The following CTPS2 variants were observed in gnomAD, a reference collection of about 807,000 sequenced individuals.
CTPS2 encodes the protein CTP synthase 2.
Under a neutral mutation model 46.8 loss-of-function variants are expected in CTPS2, and 19 were observed. The observed-to-expected ratio is 0.41, with a 90% CI of 0.28 to 0.60. CTPS2 has a LOEUF of 0.60. CTPS2 is among the 20% of genes least tolerant of loss of function. The pLI, the probability that CTPS2 is intolerant of heterozygous loss-of-function variation, is 0.35. For missense variants in CTPS2, 286 were observed against 447.6 expected (o/e 0.64, Z 3.26); for synonymous variants, 151 against 165.2 (o/e 0.91, Z 0.66).
intron 17 of CTPS2, among the ~76,000 whole-genome samples, chrX:16,593,924 A>C (rs1929086366): frequency 9.0e-6 from 1 of 111,236 alleles, no homozygotes; most frequent in Admixed American, 9.5e-5. Context: ...GATACATCCT[A>C]TTCATGCACT....
intron 15 of CTPS2, among the ~76,000 whole-genome samples, chrX:16,620,053 C>A (rs1254006039): frequency 9.0e-6 from 1 of 111,136 alleles, no homozygotes; most frequent in Non-Finnish European, 1.9e-5. Flanking sequence ...AAAGATTTTG[C>A]CTTTGGAAAG....
intron 13 of CTPS2, among the ~76,000 whole-genome samples, chrX:16,659,605 G>A (rs1425911493): frequency 9.8e-6 from 1 of 101,670 alleles, no homozygotes; most frequent in Admixed American, 1.1e-4. Context: ...GAGTAAGAAG[G>A]TGTAGGAGTC....
intron 13 of CTPS2, among the ~76,000 whole-genome samples, chrX:16,664,038 A>C (rs7066628): frequency 9.0e-6 from 1 of 111,237 alleles, no homozygotes; most frequent in East Asian, 2.8e-4. Flanking sequence ...AAGTTTCACC[A>C]TGTTAGCCAG....
chrX:16,621,127 C>T (rs1414522220), intron 14 of CTPS2, among the ~76,000 whole-genome samples: 2 of 110,277 alleles, frequency 1.8e-5, no homozygotes, highest in Admixed American at 2.0e-4. Context: ...AACATGCCTA[C>T]GTAGCTGAGG....
intron 14 of CTPS2, among the ~76,000 whole-genome samples, chrX:16,621,446 T>TATA (rs10666371): frequency 0.084 from 8,603 of 102,801 alleles, 363 homozygotes; most frequent in Admixed American, 0.15. Flanking sequence ...GAACTTAAAG[T>TATA]ATAATAATAA....
intron 15 of CTPS2, among the ~76,000 whole-genome samples, chrX:16,618,365 T>C (rs773077915): frequency 8.9e-6 from 1 of 112,626 alleles, no homozygotes; most frequent in South Asian, 3.7e-4. Flanking sequence ...TTTGAGTTGT[T>C]TCTGCCTTTT....
At chrX:16,702,057 T>A (rs987200025) in intron 2 of CTPS2, among the ~76,000 whole-genome samples, 7 of 110,352 alleles carry the variant, frequency 6.3e-5, no homozygotes, top group Non-Finnish European at 1.1e-4. Context: ...TGTTTGTTTG[T>A]TTGTTTGTTT....
At chrX:16,691,670 T>C (rs1486665038) in intron 6 of CTPS2, 50 bp from the exon 7 acceptor site, 7 of 1,021,972 alleles carry the variant, frequency 6.8e-6, no homozygotes, top group Non-Finnish European at 9.7e-6. Context: ...TTCAGCAGGA[T>C]GCCACATTCA....
intron 1 of CTPS2, chrX:16,712,111 G>T (rs1045941854): frequency 9.0e-6 from 1 of 111,630 alleles, no homozygotes; most frequent in African/African-American, 3.2e-5. Flanking sequence ...GCGTTCCCCA[G>T]TCCCCGCGCC....
At chrX:16,597,910 G>A (rs1389007540) in intron 17 of CTPS2, among the ~76,000 whole-genome samples, 4 of 107,557 alleles carry the variant, frequency 3.7e-5, no homozygotes, top group Admixed American at 1.0e-4. Context: ...GGTCCTTCAC[G>A]TCCCTTGTAA....
chrX:16,641,501 C>T (rs948351185), intron 13 of CTPS2, among the ~76,000 whole-genome samples: 1 of 112,546 alleles, frequency 8.9e-6, no homozygotes, highest in Admixed American at 9.4e-5. Flanking sequence ...CAATCCCAAC[C>T]CTTTGGGAGA....
In CTPS2 at chrX:16,662,223, C is replaced by CA. The variant is rs1279815636; in HGVS notation, c.1296+5290dup. ...CAGCTGAGACTACTTTGAAGCAGGG[C>CA]AAAAAACCAGAGTTGCTATAGAACC... On this transcript the variant is annotated intron_variant, in intron 13 of 18. Transcript: ENST00000359276. Among the ~76,000 whole-genome samples, 3 of 110,157 alleles carry CA rather than the reference C, an allele frequency of 2.7e-5. No individual in the cohort carries two copies. The East Asian group carries it at 8.6e-4, about 32-fold the overall frequency.
At chrX:16,701,393 TAAA>T (rs200081120) in intron 2 of CTPS2, among the ~76,000 whole-genome samples, 2,350 of 108,960 alleles carry the variant, frequency 0.022, 72 homozygotes, top group African/African-American at 0.074. Context: ...CCCAGCTCTA[TAAA>T]AAAATTACAT....
rs754590971 is a variant in CTPS2, at chrX:16,686,521, G to A, written c.872+2929C>T. Among the ~76,000 whole-genome samples the A allele has an allele frequency of 2.7e-5, 3 of 112,008 alleles. No individual in the cohort carries two copies. In the South Asian group the frequency reaches 1.1e-3, roughly 42 times the overall value. On this transcript the variant is annotated intron_variant, in intron 8 of 18. Coordinates refer to ENST00000359276, the MANE Select transcript of CTPS2 (RefSeq NM_175859.3). Reference sequence around the variant, plus strand: ...CTCCAGCTGAGATCATCCTGGATTAGGGCCTGCCTTACATCCAATGACAAG... The same window carrying A: ...CTCCAGCTGAGATCATCCTGGATTAAGGCCTGCCTTACATCCAATGACAAG...
intron 10 of CTPS2, among the ~76,000 whole-genome samples, chrX:16,676,950 T>C (rs758596272): frequency 9.2e-6 from 1 of 109,180 alleles, no homozygotes; most frequent in African/African-American, 3.3e-5. Flanking sequence ...TCCTAGCTAC[T>C]TGGGAGGCTG....
At chrX:16,591,766 C>T (rs1332643306) in intron 17 of CTPS2, among the ~76,000 whole-genome samples, 2 of 111,015 alleles carry the variant, frequency 1.8e-5, no homozygotes, top group African/African-American at 6.6e-5. Context: ...CTGACCTTCT[C>T]CAAGCAGGTC....
chrX:16,698,875 AAAG>A lies in CTPS2; in HGVS notation c.337+45_337+47del, dbSNP rs748930166. Reference sequence around the variant, plus strand: ...CTTCAGTTCTACTTTTGAGCAGTACAAAGATATTCAGCACACAGGGCTCCATAA... The same window carrying A: ...CTTCAGTTCTACTTTTGAGCAGTACAATATTCAGCACACAGGGCTCCATAA... On this transcript the variant is annotated intron_variant, in intron 3 of 18. Coordinates refer to ENST00000359276, the MANE Select transcript of CTPS2 (RefSeq NM_175859.3). 4.5e-6 allele frequency: 5 copies of A among 1,119,242 alleles called. No individual in the cohort carries two copies. The South Asian group carries it at 8.2e-5, about 18-fold the overall frequency. 92.2% of individuals were successfully genotyped at this position (1,119,242 alleles called of 1,213,427 possible). A position where few individuals can be genotyped will look rare whatever the true frequency, so the allele number is the denominator to read the frequency against.
intron 16 of CTPS2, among the ~76,000 whole-genome samples, chrX:16,612,907 C>G (rs1930333327): frequency 8.9e-6 from 1 of 112,043 alleles, no homozygotes; most frequent in Non-Finnish European, 1.9e-5. Context: ...ATAAGGTATG[C>G]AAAGTCCCTA....
chrX:16,651,035 T>C (rs756835549), intron 13 of CTPS2: 2 of 1,205,835 alleles, frequency 1.7e-6, no homozygotes, highest in South Asian at 3.5e-5. Context: ...CCTGAGGAAC[T>C]GAAGAGGATT....
Sources: gnomAD v4.1 joint callset for allele counts (sites outside exome capture counted in the v4.1 genomes callset) on GRCh38, gnomAD v4.1.1 for gene constraint, MANE v1.5 for transcripts, NCBI Gene and HGNC (gene_info 2026-07-23, HGNC 2026-07-21) for gene names.